ZNF600: variants seen among roughly 807,000 people sequenced by gnomAD.
ZNF600 encodes the protein zinc finger protein KR-ZNF1.
In ZNF600, 4 loss-of-function variants were observed where a neutral mutation model predicts 7.3. The observed-to-expected ratio is 0.55, with a 90% CI of 0.27 to 1.25. The LOEUF (loss-of-function observed/expected upper bound fraction) is 1.25, where lower values mean the gene tolerates loss of function less well. ZNF600 is among the 50% of genes most tolerant of loss of function. The pLI is 0.12. For missense variants in ZNF600, 911 were observed against 922.1 expected (o/e 0.99, Z 0.16); for synonymous variants, 290 against 308.9 (o/e 0.94, Z 0.64).
intron 3 of ZNF600, among the ~76,000 whole-genome samples, chr19:52,769,131 G>A (rs111771438): frequency 0.011 from 1,689 of 152,078 alleles, 44 homozygotes; most frequent in African/African-American, 0.039. Context: ...CAGTGCCAAG[G>A]AACAACACCC....
At chr19:52,777,512 G>A (rs1443116634) in intron 2 of ZNF600, among the ~76,000 whole-genome samples, 3 of 152,090 alleles carry the variant, frequency 2.0e-5, no homozygotes, top group Admixed American at 6.6e-5. Flanking sequence ...CTGCACTCCA[G>A]CCTGGACAAC....
chr19:52,765,215 T>A (rs2062558886), exon 4 of ZNF600: 1 of 525,736 alleles, frequency 1.9e-6, no homozygotes, highest in Non-Finnish European at 3.8e-6. Flanking sequence ...CTGCAAGGAG[T>A]GACCTCGGAC....
chr19:52,783,913 C>G (rs1356131540), intron 1 of ZNF600, among the ~76,000 whole-genome samples: 1 of 152,112 alleles, frequency 6.6e-6, no homozygotes, highest in Non-Finnish European at 1.5e-5. Context: ...GCCTCAGCCT[C>G]CTAATCCAAA....
At chr19:52,804,982 A>C in the ZNF600 span, among the ~76,000 whole-genome samples, 1 of 152,206 alleles carries the variant, frequency 6.6e-6, no homozygotes, top group African/African-American at 2.4e-5. Context: ...AAAAAACTTG[A>C]GACAGGCCAG....
At chr19:52,809,847 G>A in the ZNF600 span, 3 of 580,270 alleles carry the variant, frequency 5.2e-6, no homozygotes, top group Non-Finnish European at 9.0e-6. Flanking sequence ...CGGTGGCGGT[G>A]GTGGCAGTAG....
At chr19:52,788,482 A>C (rs1188964300), upstream of ZNF600, among the ~76,000 whole-genome samples, 2 of 152,160 alleles carry the variant, frequency 1.3e-5, no homozygotes, top group Non-Finnish European at 2.9e-5. Context: ...CCTGTGACAA[A>C]ACACACACAC....
the ZNF600 span, chr19:52,810,302 T>G: frequency 6.4e-7 from 1 of 1,550,966 alleles, no homozygotes; most frequent in African/African-American, 1.4e-5. Context: ...TGGAGGCTGA[T>G]GCCCGTTCCA....
the ZNF600 span, among the ~76,000 whole-genome samples, chr19:52,832,590 A>G: frequency 6.6e-6 from 1 of 152,052 alleles, no homozygotes; most frequent in Admixed American, 6.6e-5. Context: ...GCGAGACTCC[A>G]TCTCAAAATA....
At chr19:52,805,605 C>T in the ZNF600 span, 59 of 138,716 alleles carry the variant, frequency 4.3e-4, no homozygotes, top group African/African-American at 1.5e-3. Context: ...CCGGCCTGGG[C>T]GACAGAGTGA....
At chr19:52,778,988 C>A in intron 1 of ZNF600, 81 bp from the exon 4 acceptor site, 4 of 1,320,218 alleles carry the variant, frequency 3.0e-6, no homozygotes, top group African/African-American at 1.5e-5. Context: ...ACAGGGGAGA[C>A]CTCACCCAGC....
chr19:52,783,047 C>T (rs1370751041), intron 1 of ZNF600, among the ~76,000 whole-genome samples: 1 of 135,416 alleles, frequency 7.4e-6, no homozygotes, highest in African/African-American at 2.4e-5. Flanking sequence ...TTCTCTCCCT[C>T]ACTCCCCACC....
At chr19:52,805,471 A>G in the ZNF600 span, 1 of 151,308 alleles carries the variant, frequency 6.6e-6, no homozygotes, top group African/African-American at 2.4e-5. Context: ...TACTAAAAAT[A>G]CAAAACTTAG....
the ZNF600 span, chr19:52,809,813 G>C: frequency 1.2e-5 from 4 of 343,486 alleles, no homozygotes; most frequent in East Asian, 3.6e-5. Flanking sequence ...AGCCCAGTCT[G>C]AGCGGCGAAG....
chr19:52,811,544 G>A, the ZNF600 span, among the ~76,000 whole-genome samples: 11 of 142,526 alleles, frequency 7.7e-5, no homozygotes, highest in African/African-American at 2.7e-4. Flanking sequence ...CTGCCCCACC[G>A]CCCTGTCTGG....
the ZNF600 span, among the ~76,000 whole-genome samples, chr19:52,821,422 C>A: frequency 6.6e-6 from 1 of 152,106 alleles, no homozygotes; most frequent in African/African-American, 2.4e-5. Flanking sequence ...GACTTTAAAC[C>A]TAAAAAGAAG....
the ZNF600 span, among the ~76,000 whole-genome samples, chr19:52,804,563 G>T: frequency 6.6e-6 from 1 of 152,144 alleles, no homozygotes. Context: ...TAGAGACAGG[G>T]TTTCACCATA....
At chr19:52,767,356 G>A in exon 4 of ZNF600, 1 of 1,614,012 alleles carries the variant, frequency 6.2e-7, no homozygotes, top group Non-Finnish European at 8.5e-7. Flanking sequence ...TTAGAAATAT[G>A]GATTTGGGGC....
At chr19:52,768,976 A>C (rs1222726359) in intron 3 of ZNF600, among the ~76,000 whole-genome samples, 1 of 152,140 alleles carries the variant, frequency 6.6e-6, no homozygotes, top group Non-Finnish European at 1.5e-5. Context: ...AGCTGAGGGG[A>C]CACAGTGAGA....
At chr19:52,830,970 T>C in the ZNF600 span, among the ~76,000 whole-genome samples, 2 of 148,702 alleles carry the variant, frequency 1.3e-5, no homozygotes, top group African/African-American at 5.1e-5. Context: ...CAAGCTTAAA[T>C]ATGCAAATTA....
Sources: gnomAD v4.1 joint callset for allele counts (sites outside exome capture counted in the v4.1 genomes callset) on GRCh38, gnomAD v4.1.1 for gene constraint, MANE v1.5 for transcripts, NCBI Gene and HGNC (gene_info 2026-07-23, HGNC 2026-07-21) for gene names.